TNR: variants seen among roughly 807,000 people sequenced by gnomAD.
The protein encoded by TNR is tenascin R.
TNR carries 45 observed loss-of-function variants against 150.4 expected under a neutral mutation model. The observed-to-expected ratio is 0.30, with a 90% CI of 0.24 to 0.38. TNR has a LOEUF of 0.38. Among genes scored for constraint, TNR ranks in the 10% least tolerant of loss-of-function variants. The pLI, the probability that TNR is intolerant of heterozygous loss-of-function variation, is 1.00. For synonymous variants in TNR, 687 were observed against 678.4 expected, an observed-to-expected ratio of 1.01 and a Z score of -0.20; for missense variants, 1,544 against 1,759.1, an observed-to-expected ratio of 0.88 and a Z score of 2.19.
At position 175,426,792 on chromosome 1, in the gene TNR, GTA is replaced by G. The variant is rs1296777358; in HGVS notation, c.-63-20017_-63-20016del. 5.2e-5 allele frequency among the ~76,000 whole-genome samples: 7 copies of G among 135,676 alleles called. 2 individuals carry two copies. The highest frequency in any genetic ancestry group is 1.9e-4 in the African/African-American group (7 of 36,702). 89.0% of individuals were successfully genotyped at this position (135,676 alleles called of 152,430 possible). A position where few individuals can be genotyped will look rare whatever the true frequency, so the allele number is the denominator to read the frequency against. On this transcript the variant is annotated intron_variant, in intron 2 of 22. Transcript: ENST00000367674. ...TATAAATATATATACAGGTGTGTGT[GTA>G]TATATATAATATATATAAAATATAA...
intron 1 of TNR, among the ~76,000 whole-genome samples, chr1:175,639,228 A>G (rs1664577812): frequency 6.6e-6 from 1 of 152,176 alleles, no homozygotes; most frequent in Admixed American, 6.5e-5. Context: ...TGACCATCAA[A>G]CAGATCATCT....
intron 1 of TNR, among the ~76,000 whole-genome samples, chr1:175,563,124 G>A (rs571760086): frequency 6.6e-6 from 1 of 152,274 alleles, no homozygotes; most frequent in East Asian, 1.9e-4. Flanking sequence ...CATTGGCACG[G>A]GCCTGAAATA....
At position 175,396,689 on chromosome 1, in the gene TNR, C is replaced by T. The variant is rs376191863; in HGVS notation, c.1095G>A (p.Gly365=). 1.2e-5 allele frequency: 20 copies of T among 1,614,110 alleles called. No homozygotes were observed. The African/African-American group carries it at 2.1e-4, about 17-fold the overall frequency. The change falls in exon 5 of 23, where the codon GGG becomes GGA. Residue 365 remains glycine, a synonymous_variant. Coordinates refer to ENST00000367674, the MANE Select transcript of TNR (RefSeq NM_003285.3). ...GCACCCGCTGCTGGAGCTGGAGGCC[C>T]CCCAGGGCCGTCGGCTGGTAAGAGA... ...YVISYQPTAL[G]GLQLQQRVPG... is the part of the protein sequence containing the mutation.
intron 3 of TNR, 149 bp downstream of exon 3, chr1:175,406,067 T>A: frequency 9.3e-7 from 1 of 1,070,702 alleles, no homozygotes; most frequent in Non-Finnish European, 1.3e-6. Context: ...CTAGGACACT[T>A]TTTTCCTTTG....
At chr1:175,419,060 G>A (rs1654636258) in intron 2 of TNR, among the ~76,000 whole-genome samples, 2 of 152,066 alleles carry the variant, frequency 1.3e-5, no homozygotes, top group Non-Finnish European at 2.9e-5. Flanking sequence ...TAGTCAGTAA[G>A]GCTCAGATTA....
intron 2 of TNR, among the ~76,000 whole-genome samples, chr1:175,507,651 CAT>C (rs1334528333): frequency 1.3e-5 from 2 of 152,144 alleles, no homozygotes; most frequent in African/African-American, 2.4e-5. Context: ...CTCAGCCTCA[CAT>C]GTTTTCCCAC....
intron 1 of TNR, among the ~76,000 whole-genome samples, chr1:175,676,924 C>T (rs1236447084): frequency 6.6e-6 from 1 of 152,218 alleles, no homozygotes; most frequent in Non-Finnish European, 1.5e-5. Flanking sequence ...CCTCCTGCGA[C>T]ACTGGGAGGA....
intron 2 of TNR, among the ~76,000 whole-genome samples, chr1:175,473,662 C>A (rs957297394): frequency 6.6e-6 from 1 of 152,194 alleles, no homozygotes; most frequent in Non-Finnish European, 1.5e-5. Context: ...TCTGATTCTG[C>A]CCGCTAGACC....
chr1:175,511,573 A>C (rs1659174743), intron 2 of TNR, among the ~76,000 whole-genome samples: 1 of 152,212 alleles, frequency 6.6e-6, no homozygotes, highest in African/African-American at 2.4e-5. Context: ...GGCGCCTCTG[A>C]GAAGTAACAT....
rs200993334 is a variant in TNR at position 175,356,371 on chromosome 1, A to G, written c.3066T>C (p.Tyr1022=). The change falls in exon 16 of 23, where the codon TAT becomes TAC. Residue 1022 remains tyrosine (Y), a synonymous_variant. Coordinates refer to ENST00000367674, the MANE Select transcript of TNR (RefSeq NM_003285.3). ...LPSTHYTATM[Y]ATNGPLTSGT... The stretch of plus-strand genomic sequence containing the variant: ...CACTGGTGAGAGGTCCATTGGTGGC[A>G]TACATGGTGGCAGTATAGTGGGTGC... The G allele has an allele frequency of 1.9e-5, 31 of 1,614,096 alleles. No individual in the cohort carries two copies. In the East Asian group the frequency reaches 6.9e-4, roughly 36 times the overall value.
rs941039866 is a variant in TNR at position 175,419,591 on chromosome 1, C to T, written c.-63-12814G>A. On this transcript the variant is annotated intron_variant, in intron 2 of 22. Transcript: ENST00000367674. ...CCGCCTCCCGGGTTCAAGCAATTCT[C>T]GTGCCTCAGCCTCCCAAGTAGTTAG... Among the ~76,000 whole-genome samples the T allele has an allele frequency of 2.6e-5, 4 of 152,256 alleles. No homozygotes were observed. The South Asian group carries it at 8.3e-4, about 32-fold the overall frequency.
At position 175,323,384 on chromosome 1, in the gene TNR, C is replaced by G; in HGVS notation, c.4050G>C (p.Gly1350=). The part of the protein sequence containing the change: ...MRPYNHRLMA[G]RKRQSLQF ...AGAACTGTAAGGACTGCCGTTTTCTCCCTGCCATGAGACGGTGGTTGTAGG... is the reference window on the plus strand; with the variant it reads ...AGAACTGTAAGGACTGCCGTTTTCTGCCTGCCATGAGACGGTGGTTGTAGG... Residue 1350 remains glycine (G), a synonymous_variant, in exon 23 of 23, where the codon GGG becomes GGC. Transcript: ENST00000367674. 1 of 1,614,154 alleles carries G rather than the reference C, an allele frequency of 6.2e-7. No individual in the cohort carries two copies. Among genetic ancestry groups the G allele is most frequent in the Non-Finnish European group, 8.5e-7 (1 of 1,179,982 alleles).
intron 1 of TNR, among the ~76,000 whole-genome samples, chr1:175,540,887 C>G (rs1360124363): frequency 6.6e-6 from 1 of 152,088 alleles, no homozygotes; most frequent in Non-Finnish European, 1.5e-5. Context: ...CTTCTTAAAC[C>G]TCTCAAGGTT....
intron 1 of TNR, among the ~76,000 whole-genome samples, chr1:175,568,804 C>T (rs902643182): frequency 4.6e-5 from 7 of 152,132 alleles, no homozygotes; most frequent in Admixed American, 3.3e-4. Flanking sequence ...TAATGGCTTC[C>T]AGATAGATGA....
At chr1:175,523,878 GC>G (rs1276189571) in intron 2 of TNR, among the ~76,000 whole-genome samples, 2 of 152,174 alleles carry the variant, frequency 1.3e-5, no homozygotes, top group African/African-American at 4.8e-5. Context: ...ATTCTGTGAA[GC>G]CTCAATACTC....
At chr1:175,402,029 C>G (rs115259778) in intron 4 of TNR, among the ~76,000 whole-genome samples, 1 of 152,060 alleles carries the variant, frequency 6.6e-6, no homozygotes. Context: ...GGAATCAGGC[C>G]GGGCGCGGTG....
At position 175,396,722 on chromosome 1, in the gene TNR, T is replaced by C. The variant is rs780600656; in HGVS notation, c.1062A>G (p.Glu354=). ...CCGTCGGCTGGTAAGAGATCACATA[T>C]TCCGTCACTGCCATCGGCCCGTCCC... ...LEWDGPMAVT[E]YVISYQPTAL... Residue 354 remains glutamate, a synonymous_variant, in exon 5 of 23, where the codon GAA becomes GAG. Coordinates refer to ENST00000367674, the MANE Select transcript of TNR (RefSeq NM_003285.3). 6.2e-7 allele frequency: 1 copy of C among 1,614,216 alleles called. No individual in the cohort carries two copies. Among genetic ancestry groups the C allele is most frequent in the East Asian group, 2.2e-5 (1 of 44,886 alleles).
chr1:175,369,335 T>G (rs1165561526), intron 9 of TNR, among the ~76,000 whole-genome samples: 2 of 152,150 alleles, frequency 1.3e-5, no homozygotes, highest in East Asian at 1.9e-4. Context: ...ATGCTTCCTC[T>G]GAAGGCTCTA....
intron 2 of TNR, among the ~76,000 whole-genome samples, chr1:175,527,880 A>G (rs1648134070): frequency 6.6e-6 from 1 of 152,102 alleles, no homozygotes; most frequent in African/African-American, 2.4e-5. Flanking sequence ...GGGTTTTGGA[A>G]CTCCAGAAAT....
Sources: gnomAD v4.1 joint callset for allele counts (sites outside exome capture counted in the v4.1 genomes callset) on GRCh38, gnomAD v4.1.1 for gene constraint, MANE v1.5 for transcripts, NCBI Gene and HGNC (gene_info 2026-07-23, HGNC 2026-07-21) for gene names.